MYH13: variants seen among roughly 807,000 people sequenced by gnomAD.
The protein encoded by MYH13 is myosin-13.
A neutral mutation model predicts 232.1 loss-of-function variants in MYH13; 177 were observed. The observed-to-expected ratio is 0.76, with a 90% CI of 0.67 to 0.86. MYH13 has a LOEUF of 0.86. Among genes scored for constraint, MYH13 ranks in the 40% least tolerant of loss-of-function variants. The pLI is 0.00. For synonymous variants in MYH13, 884 were observed against 923.5 expected, an observed-to-expected ratio of 0.96 and a Z score of 0.78; for missense variants, 2,246 against 2,405.9, an observed-to-expected ratio of 0.93 and a Z score of 1.39.
chr17:10,331,548 C>A (rs1907408420), intron 20 of MYH13, among the ~76,000 whole-genome samples: 1 of 152,174 alleles, frequency 6.6e-6, no homozygotes, highest in Admixed American at 6.5e-5. Context: ...GGCTGATACT[C>A]ACGTGCTCAA....
rs747269076 is a variant in MYH13, at chr17:10,311,966, A to G, written c.4476T>C (p.Tyr1492=). The G allele has an allele frequency of 3.1e-6, 5 of 1,614,034 alleles. No individual in the cohort carries two copies. In the South Asian group the frequency reaches 4.4e-5, roughly 14 times the overall value. Residue 1492 remains tyrosine (Y), a synonymous_variant, in exon 32 of 41, where the codon TAT becomes TAC. Coordinates refer to ENST00000252172, the MANE Select transcript of MYH13 (RefSeq NM_003802.3). Reference sequence around the variant, plus strand: ...TCTCTAACTGGTCCACCACCTCCTCATAGGCATTCCTCATCTTGAAGAGTT... The same window carrying G: ...TCTCTAACTGGTCCACCACCTCCTCGTAGGCATTCCTCATCTTGAAGAGTT... ...STELFKMRNA[Y]EEVVDQLETL...
At chr17:10,372,116 A>G (rs1248741331) in intron 1 of MYH13, among the ~76,000 whole-genome samples, 1 of 152,192 alleles carries the variant, frequency 6.6e-6, no homozygotes, top group Non-Finnish European at 1.5e-5. Context: ...TCTTTAATGC[A>G]TCTTAAATAA....
In MYH13 at chr17:10,324,061, C is replaced by T. The variant is rs1907104673; in HGVS notation, c.2895G>A (p.Leu965=). 6.2e-7 allele frequency: 1 copy of T among 1,614,016 alleles called. No homozygotes were observed. Among genetic ancestry groups the T allele is most frequent in the Non-Finnish European group, 8.5e-7 (1 of 1,179,972 alleles). ...KRDIDDLELT[L]TKVEKEKHAT... is the part of the protein sequence containing the mutation. ...CATGCTTCTCCTTTTCAACTTTCGTCAAGGTCAGCTCCAGGTCATCAATGT... is the reference window on the plus strand; with the variant it reads ...CATGCTTCTCCTTTTCAACTTTCGTTAAGGTCAGCTCCAGGTCATCAATGT... Residue 965 remains leucine (L), a synonymous_variant, in exon 23 of 41, where the codon TTG becomes TTA. Coordinates refer to ENST00000252172, the MANE Select transcript of MYH13 (RefSeq NM_003802.3).
At chr17:10,359,914 G>A (rs1447024782) in intron 7 of MYH13, 46 bp downstream of exon 7, 1 of 1,533,276 alleles carries the variant, frequency 6.5e-7, no homozygotes, top group Non-Finnish European at 9.0e-7. Flanking sequence ...ACGCTTTAAA[G>A]TATACTTATT....
At chr17:10,321,473 C>G in intron 24 of MYH13, 59 bp downstream of exon 24, 1 of 1,522,982 alleles carries the variant, frequency 6.6e-7, no homozygotes, top group Non-Finnish European at 8.9e-7. Context: ...GTTAGACTGT[C>G]TCTTGTCTGT....
intron 23 of MYH13, among the ~76,000 whole-genome samples, chr17:10,323,461 G>A (rs956000786): frequency 2.0e-5 from 3 of 152,030 alleles, no homozygotes; most frequent in Non-Finnish European, 2.9e-5. Flanking sequence ...ATACAGCCAG[G>A]GAGGGTTGAG....
chr17:10,327,800 A>G lies in MYH13; in HGVS notation c.2691+66T>C. ...CGAATAGACACCTGATGGCGCCCTC[A>G]ATGTTCCTCCCCCTTTTCTGTCCTC... On this transcript the variant is annotated intron_variant, in intron 22 of 40. Transcript: ENST00000252172. 5 of 1,572,500 alleles carry G rather than the reference A, an allele frequency of 3.2e-6. No homozygotes were observed. In the South Asian group the frequency reaches 5.9e-5, roughly 19 times the overall value.
At chr17:10,344,258 T>C in intron 15 of MYH13, 149 bp from the exon 16 acceptor site, 1 of 1,229,510 alleles carries the variant, frequency 8.1e-7, no homozygotes, top group Admixed American at 2.8e-5. Flanking sequence ...TTGGTCTGTT[T>C]GGGGGATGAC....
At chr17:10,343,005 G>A (rs529087163) in intron 16 of MYH13, among the ~76,000 whole-genome samples, 3 of 151,042 alleles carry the variant, frequency 2.0e-5, no homozygotes, top group South Asian at 2.1e-4. Context: ...CAGGGGAATC[G>A]CTTGAACCCA....
chr17:10,352,171 G>A (rs777963593), intron 11 of MYH13, among the ~76,000 whole-genome samples: 4 of 152,116 alleles, frequency 2.6e-5, no homozygotes, highest in Non-Finnish European at 4.4e-5. Context: ...GACCCTTTTG[G>A]AGAATGTCAT....
chr17:10,342,551 G>A (rs1291122716), intron 16 of MYH13, among the ~76,000 whole-genome samples: 2 of 152,132 alleles, frequency 1.3e-5, no homozygotes, highest in Admixed American at 6.5e-5. Flanking sequence ...TAGCCAGAAA[G>A]TTCATCGGCT....
At chr17:10,302,331 C>T (rs1039111286) in intron 39 of MYH13, among the ~76,000 whole-genome samples, 2 of 152,270 alleles carry the variant, frequency 1.3e-5, no homozygotes, top group East Asian at 1.9e-4. Flanking sequence ...AGGGCAGACT[C>T]CCCTAAATTT....
intron 3 of MYH13, among the ~76,000 whole-genome samples, chr17:10,363,669 T>C (rs991190947): frequency 2.0e-5 from 3 of 152,156 alleles, no homozygotes; most frequent in Non-Finnish European, 4.4e-5. Flanking sequence ...TGTGACATAT[T>C]CCTGAGGCGG....
rs188102993 is a variant in MYH13, at chr17:10,368,595, C to T, written c.-13+2614G>A. ...CAGTAATTACTAATACAGTTTGGTG[C>T]GGTGCCTTGATTTGTAATAAGGTAC... On this transcript the variant is annotated intron_variant, in intron 2 of 40. Transcript: ENST00000252172. 6.2e-3 allele frequency among the ~76,000 whole-genome samples: 939 copies of T among 152,300 alleles called. 3 individuals are homozygous for T. The highest frequency in any genetic ancestry group is 0.017 in the South Asian group (82 of 4,824).
chr17:10,303,409 C>G lies in MYH13; in HGVS notation c.5556G>C (p.Lys1852Asn). Residue 1852 changes from lysine (K) to asparagine (N), a missense_variant, in exon 38 of 41, where the codon AAG becomes AAC. Transcript: ENST00000252172. Reference sequence around the variant, plus strand: ...GGACCCCTACCTGGTAAGTCATCTCCTTGACTTTGCGTTCGTACTTGTGGG... The same window carrying G: ...GGACCCCTACCTGGTAAGTCATCTCGTTGACTTTGCGTTCGTACTTGTGGG... The part of the protein sequence containing the change: ...KGAHKYERKV[K>N]EMTYQAEEDH... The G allele has an allele frequency of 6.2e-7, 1 of 1,613,916 alleles. No individual in the cohort carries two copies. The highest frequency in any genetic ancestry group is 8.5e-7 in the Non-Finnish European group (1 of 1,179,822).
At chr17:10,329,753 C>T (rs866464360) in intron 21 of MYH13, among the ~76,000 whole-genome samples, 80 of 152,086 alleles carry the variant, frequency 5.3e-4, no homozygotes, top group African/African-American at 1.5e-3. Context: ...GAGGCCAAGG[C>T]GGGCGGATCA....
At position 10,322,628 on chromosome 17, in the gene MYH13, TTG is replaced by T. The variant is rs1174798406; in HGVS notation, c.2935-922_2935-921del. On this transcript the variant is annotated intron_variant, in intron 23 of 40. Transcript: ENST00000252172. ...AATGTTATCATTTACAATGTTACAG[TTG>T]TTTTTTTTTTTTTTTTTTTTTGAGA... Among the ~76,000 whole-genome samples the T allele has an allele frequency of 8.8e-5, 12 of 135,816 alleles. 1 individual carries two copies. Among genetic ancestry groups the T allele is most frequent in the African/African-American group, 5.6e-5 (2 of 35,610 alleles). 89.1% of individuals were successfully genotyped at this position (135,816 alleles called of 152,430 possible). A position where few individuals can be genotyped will look rare whatever the true frequency, so the allele number is the denominator to read the frequency against.
At chr17:10,332,360 T>C in intron 19 of MYH13, 138 bp from the exon 20 acceptor site, 1 of 1,169,634 alleles carries the variant, frequency 8.5e-7, no homozygotes, top group Non-Finnish European at 1.2e-6. Flanking sequence ...GAGATGGGAA[T>C]AGCTAGGGAC....
At position 10,340,144 on chromosome 17, in the gene MYH13, A is replaced by T; in HGVS notation, c.2056+6T>A. 1 of 1,611,144 alleles carries T rather than the reference A, an allele frequency of 6.2e-7. No individual in the cohort carries two copies. Among genetic ancestry groups the T allele is most frequent in the Non-Finnish European group, 8.5e-7 (1 of 1,177,936 alleles). The stretch of plus-strand genomic sequence containing the variant: ...CAAATACTTGGCAAGATCTGCTGGT[A>T]CTCACCAGGAGTCTTGGTCTCATTG... On this transcript the variant is annotated splice_donor_region_variant and intron_variant, in intron 18 of 40. Transcript: ENST00000252172.
Sources: allele counts gnomAD v4.1 joint callset (sites outside exome capture counted in the v4.1 genomes callset), GRCh38; gene constraint gnomAD v4.1.1; transcripts MANE v1.5; gene names NCBI Gene and HGNC (gene_info 2026-07-23, HGNC 2026-07-21).